Variants in STAB2 observed in about 807,000 individuals in gnomAD.
STAB2 encodes the protein stabilin 2, also known as stabilin-2.
In STAB2, 288 loss-of-function variants were observed where a neutral mutation model predicts 338.1. The ratio of observed to expected loss-of-function variants is 0.85; its 90% CI spans 0.77 to 0.94. STAB2 has a LOEUF of 0.94. Ranked by LOEUF, STAB2 falls within the 40% of genes least tolerant of loss-of-function variation. The pLI, the probability that STAB2 is intolerant of heterozygous loss-of-function variation, is 0.00. For synonymous variants in STAB2, 1,202 were observed against 1,193.3 expected, an observed-to-expected ratio of 1.01 and a Z score of -0.15; for missense variants, 3,141 against 3,210.1, an observed-to-expected ratio of 0.98 and a Z score of 0.52.
chr12:103,690,358 A>T, intron 29 of STAB2, 66 bp from the exon 30 acceptor site: 1 of 1,345,350 alleles, frequency 7.4e-7, no homozygotes. Context: ...CTATTCTCTT[A>T]ACTATTCAAT....
intron 27 of STAB2, 113 bp downstream of exon 27, chr12:103,685,197 A>T: frequency 1.0e-6 from 1 of 992,664 alleles, no homozygotes; most frequent in East Asian, 2.5e-5. Flanking sequence ...GAGATTTTAC[A>T]TGAAGCAAGC....
chr12:103,593,783 G>T (rs911352882), intron 2 of STAB2, among the ~76,000 whole-genome samples: 52 of 152,338 alleles, frequency 3.4e-4, no homozygotes, highest in African/African-American at 1.2e-3. Context: ...AGCCATGCCT[G>T]CAGAGATCCC....
intron 5 of STAB2, among the ~76,000 whole-genome samples, chr12:103,629,640 G>T (rs1037963944): frequency 1.3e-5 from 2 of 152,338 alleles, no homozygotes; most frequent in Middle Eastern, 3.4e-3. Context: ...CAGAGGAAAA[G>T]CCTGGAGGTG....
At chr12:103,707,660 G>T (rs1337197050) in intron 38 of STAB2, among the ~76,000 whole-genome samples, 1 of 152,198 alleles carries the variant, frequency 6.6e-6, no homozygotes, top group African/African-American at 2.4e-5. Context: ...GGAACACACA[G>T]CTGTGAGAGT....
At chr12:103,628,646 C>T (rs1011720885) in intron 5 of STAB2, among the ~76,000 whole-genome samples, 2 of 152,182 alleles carry the variant, frequency 1.3e-5, no homozygotes, top group African/African-American at 2.4e-5. Flanking sequence ...ACTCCAATCT[C>T]GGCCTCCCTC....
chr12:103,699,391 T>C (rs1878672263), intron 34 of STAB2, among the ~76,000 whole-genome samples, 164 bp downstream of exon 34: 1 of 152,092 alleles, frequency 6.6e-6, no homozygotes, highest in South Asian at 2.1e-4. Flanking sequence ...AAAAAGAGGT[T>C]TAACAGACTC....
At chr12:103,674,421 G>A (rs573924952) in intron 23 of STAB2, among the ~76,000 whole-genome samples, 6 of 152,300 alleles carry the variant, frequency 3.9e-5, no homozygotes, top group African/African-American at 1.2e-4. Flanking sequence ...ACTCAATGCA[G>A]AATCACCTAG....
chr12:103,692,838 T>G lies in STAB2; in HGVS notation c.3324T>G (p.Ile1108Met). ...ATATCACAATTGAAGGGGCCTCCAT[T>G]GTCGATGGGGACAACGCAGCCACAA... Reference protein sequence around the residue: ...DGNITIEGASIVDGDNAATNG... With the variant: ...DGNITIEGASMVDGDNAATNG... Residue 1108 changes from isoleucine to methionine, a missense_variant, in exon 31 of 69, where the codon ATT (isoleucine) becomes ATG (methionine). By Grantham distance (10) the Ile-to-Met change is conservative (BLOSUM62 1). Coordinates refer to ENST00000388887, the MANE Select transcript of STAB2 (RefSeq NM_017564.10). 6.2e-7 allele frequency: 1 copy of G among 1,613,744 alleles called. No homozygotes were observed. Among genetic ancestry groups the G allele is most frequent in the Non-Finnish European group, 8.5e-7 (1 of 1,179,738 alleles).
Position 103,662,933 on chromosome 12 carries a change from A to C in STAB2, c.1957A>C (p.Ile653Leu). ...GRIYTLTGVL[I>L]PPSIVPILPH... ...AATTTACACACTGACAGGAGTTCTCATTCCTCCCTCCATTGTCCCGATTCT... is the reference window on the plus strand; with the variant it reads ...AATTTACACACTGACAGGAGTTCTCCTTCCTCCCTCCATTGTCCCGATTCT... Residue 653 changes from isoleucine (I) to leucine (L), a missense_variant, in exon 18 of 69, where the codon ATT (isoleucine) becomes CTT (leucine). Transcript: ENST00000388887. The C allele has an allele frequency of 2.5e-6, 4 of 1,614,188 alleles. No individual in the cohort carries two copies. The highest frequency in any genetic ancestry group is 3.4e-6 in the Non-Finnish European group (4 of 1,180,020).
At position 103,755,409 on chromosome 12, in the gene STAB2, C is replaced by A; in HGVS notation, c.6822C>A (p.Asp2274Glu). The A allele has an allele frequency of 6.2e-7, 1 of 1,614,142 alleles. No individual in the cohort carries two copies. The highest frequency in any genetic ancestry group is 8.5e-7 in the Non-Finnish European group (1 of 1,180,024). ...NCGSGVVGIV[D>E]YGPRPNKSEM... ...GCTCTGGTGTGGTTGGGATAGTGGA[C>A]TATGGACCTAGACCCAACAAGAGTG... The change falls in exon 62 of 69, where the codon GAC becomes GAA. Residue 2274 changes from aspartate (D) to glutamate (E), a missense_variant. Physicochemically the swap from Asp to Glu is conservative, Grantham distance 45. Coordinates refer to ENST00000388887, the MANE Select transcript of STAB2 (RefSeq NM_017564.10).
At chr12:103,676,681 C>T (rs936988154) in intron 24 of STAB2, among the ~76,000 whole-genome samples, 20 of 152,152 alleles carry the variant, frequency 1.3e-4, no homozygotes, top group African/African-American at 4.8e-4. Flanking sequence ...ATTGCTTTCA[C>T]TAATTCCCTT....
chr12:103,751,071 A>G, intron 60 of STAB2, among the ~76,000 whole-genome samples: 1 of 152,250 alleles, frequency 6.6e-6, no homozygotes, highest in East Asian at 1.9e-4. Context: ...GAAGCCAGAA[A>G]GGACCCACAA....
chr12:103,668,747 G>T lies in STAB2; in HGVS notation c.2172+18G>T. 1 of 1,531,228 alleles carries T rather than the reference G, an allele frequency of 6.5e-7. No individual in the cohort carries two copies. The allele number at this position is 1,531,228 out of a possible 1,614,324, so 94.9% of individuals were successfully genotyped here. A position where few individuals can be genotyped will look rare whatever the true frequency, so the allele number is the denominator to read the frequency against. Reference sequence around the variant, plus strand: ...CTGTGAAGGTGAGGAGCGCGTGGCCGAGGCCCAGTCTAGGCCAGTAGGGCC... The same window carrying T: ...CTGTGAAGGTGAGGAGCGCGTGGCCTAGGCCCAGTCTAGGCCAGTAGGGCC... On this transcript the variant is annotated intron_variant, in intron 20 of 68. Transcript: ENST00000388887.
intron 37 of STAB2, 107 bp downstream of exon 37, chr12:103,705,834 C>G: frequency 9.9e-7 from 1 of 1,013,944 alleles, no homozygotes; most frequent in African/African-American, 1.6e-5. Context: ...CTGCCATCTC[C>G]TCTTCCTTGT....
chr12:103,619,739 C>G (rs73187882), intron 3 of STAB2, among the ~76,000 whole-genome samples: 5,963 of 151,126 alleles, frequency 0.039, 243 homozygotes, highest in East Asian at 0.18. Flanking sequence ...CATTTTACCT[C>G]ATCAGCAACG....
At chr12:103,698,999 T>G in intron 33 of STAB2, 97 bp from the exon 34 acceptor site, 2 of 1,439,202 alleles carry the variant, frequency 1.4e-6, no homozygotes, top group South Asian at 3.0e-5. Context: ...CAAGCTGTTG[T>G]TCCTCTTTGT....
intron 6 of STAB2, 36 bp downstream of exon 6, chr12:103,631,729 T>C (rs1008243522): frequency 1.3e-6 from 2 of 1,591,492 alleles, no homozygotes; most frequent in Non-Finnish European, 1.7e-6. Context: ...CCACACCAGA[T>C]CAAACAGGCA....
rs764024913 is a variant in STAB2, at chr12:103,631,687, G to C, written c.577G>C (p.Asp193His). 1 of 1,614,008 alleles carries C rather than the reference G, an allele frequency of 6.2e-7. No homozygotes were observed. Among genetic ancestry groups the C allele is most frequent in the African/African-American group, 1.3e-5 (1 of 74,936 alleles). Residue 193 changes from aspartate to histidine, a missense_variant, in exon 6 of 69, where the codon GAC becomes CAC. By Grantham distance (81) the Asp-to-His change is moderately conservative. Coordinates refer to ENST00000388887, the MANE Select transcript of STAB2 (RefSeq NM_017564.10). ...CTCTGCGTACACTGGCCCCAAGTGT[G>C]ACAAGCGTAAGTACTGCTAGTTCCC... The part of the protein sequence containing the change: ...CYSAYTGPKC[D>H]KPIPECAALL...
chr12:103,765,085 T>TC (rs201957746), intron 68 of STAB2, among the ~76,000 whole-genome samples: 20,648 of 65,030 alleles, frequency 0.32, 2,122 homozygotes, highest in African/African-American at 0.34. Context: ...AGACTCTGTC[T>TC]CAAAAAAAAA....
Sources: gnomAD v4.1 joint callset for allele counts (sites outside exome capture counted in the v4.1 genomes callset) on GRCh38, gnomAD v4.1.1 for gene constraint, MANE v1.5 for transcripts, NCBI Gene and HGNC (gene_info 2026-07-23, HGNC 2026-07-21) for gene names.